The following TENM2 variants were observed in gnomAD, a reference collection of about 807,000 sequenced individuals.
TENM2 encodes teneurin-2.
TENM2 carries 52 observed loss-of-function variants against 245.2 expected under a neutral mutation model. That is an observed-to-expected ratio of 0.21 (90% CI 0.17 to 0.27). The LOEUF is 0.27. Among genes scored for constraint, TENM2 ranks in the 10% least tolerant of loss-of-function variants. The pLI, the probability that TENM2 is intolerant of heterozygous loss-of-function variation, is 1.00. For synonymous variants in TENM2, 1,363 were observed against 1,438.9 expected (o/e 0.95, Z 1.19); for missense variants, 3,046 against 3,666.8 (o/e 0.83, Z 4.37).
chr5:167,018,620 A>G, the TENM2 span, among the ~76,000 whole-genome samples: 1 of 152,148 alleles, frequency 6.6e-6, no homozygotes, highest in Non-Finnish European at 1.5e-5. Flanking sequence ...TCAAAAGTAA[A>G]ATGTGAGGAC....
At chr5:168,099,025 T>A (rs1484184208) in intron 9 of TENM2, among the ~76,000 whole-genome samples, 2 of 152,138 alleles carry the variant, frequency 1.3e-5, no homozygotes, top group Non-Finnish European at 2.9e-5. Context: ...TTATCCTACC[T>A]CAGCCTCCCA....
intron 2 of TENM2, among the ~76,000 whole-genome samples, chr5:167,695,837 A>T (rs1463970330): frequency 1.3e-5 from 2 of 151,968 alleles, no homozygotes. Flanking sequence ...GATCGAGACC[A>T]TCCTGGCTAA....
chr5:167,952,873 G>A (rs1262669710), intron 4 of TENM2, 51 bp downstream of exon 6: 9 of 1,462,528 alleles, frequency 6.2e-6, no homozygotes, highest in South Asian at 4.9e-5. Context: ...CCTTACCCCT[G>A]AGTCACCACA....
chr5:167,755,311 G>A (rs1481093432), intron 2 of TENM2: 1 of 685,234 alleles, frequency 1.5e-6, no homozygotes, highest in Non-Finnish European at 2.4e-6. Flanking sequence ...TGGGAGACTT[G>A]ACGGTGAAAC....
Position 167,389,135 on chromosome 5 carries a change from C to T in TENM2, c.502+13662C>T, listed in dbSNP as rs186608730. Among the ~76,000 whole-genome samples, 25 of 151,312 alleles carry T rather than the reference C, an allele frequency of 1.7e-4. No homozygotes were observed. The Middle Eastern group carries it at 0.014, about 83-fold the overall frequency. Reference sequence around the variant, plus strand: ...TTTTATTGTTAAATCTTTATGCTGCCCAAAGTAAGATATCTATATGTTTTA... The same window carrying T: ...TTTTATTGTTAAATCTTTATGCTGCTCAAAGTAAGATATCTATATGTTTTA... On this transcript the variant is annotated intron_variant, in intron 2 of 28. Coordinates refer to ENST00000518659, the Ensembl canonical transcript of TENM2.
chr5:167,074,083 G>A, the TENM2 span, among the ~76,000 whole-genome samples: 2 of 152,118 alleles, frequency 1.3e-5, no homozygotes, highest in Admixed American at 1.3e-4. Context: ...AACAACTAAA[G>A]GGTTCTATAA....
chr5:168,118,240 C>T, intron 9 of TENM2, 52 bp from the exon 12 acceptor site: 14 of 1,411,600 alleles, frequency 9.9e-6, no homozygotes, highest in Non-Finnish European at 1.3e-5. Context: ...CTGCCATAGC[C>T]CCTCGGATGC....
chr5:168,215,569 T>G (rs1176475442), intron 21 of TENM2, among the ~76,000 whole-genome samples: 1 of 152,174 alleles, frequency 6.6e-6, no homozygotes, highest in Non-Finnish European at 1.5e-5. Context: ...CTCAGGAGGC[T>G]GAGGCAGGAG....
At chr5:167,933,429 C>G (rs1778440397) in intron 3 of TENM2, among the ~76,000 whole-genome samples, 1 of 152,158 alleles carries the variant, frequency 6.6e-6, no homozygotes, top group African/African-American at 2.4e-5. Context: ...AGGAAATACA[C>G]AGCTATATGA....
chr5:167,175,590 C>T, the TENM2 span, among the ~76,000 whole-genome samples: 1 of 152,126 alleles, frequency 6.6e-6, no homozygotes, highest in Non-Finnish European at 1.5e-5. Flanking sequence ...TCAATGTTTC[C>T]CCTCTCTGCC....
chr5:167,755,545 T>C (rs1426506186), intron 2 of TENM2, among the ~76,000 whole-genome samples: 1 of 152,168 alleles, frequency 6.6e-6, no homozygotes, highest in African/African-American at 2.4e-5. Flanking sequence ...CCTGTGTCTA[T>C]TGCTGAAATA....
chr5:167,635,223 TG>T (rs993782111), intron 2 of TENM2, among the ~76,000 whole-genome samples: 13 of 152,324 alleles, frequency 8.5e-5, no homozygotes, highest in South Asian at 4.1e-4. Context: ...AATGTGGGTT[TG>T]TGCCTTTACA....
At chr5:168,207,090 A>G (rs948787494) in intron 19 of TENM2, among the ~76,000 whole-genome samples, 3 of 152,094 alleles carry the variant, frequency 2.0e-5, no homozygotes, top group Non-Finnish European at 4.4e-5. Flanking sequence ...CTGAGTCACT[A>G]CACCCTCTGA....
intron 25 of TENM2, among the ~76,000 whole-genome samples, chr5:168,230,230 T>TTGTC (rs1249000355): frequency 2.0e-5 from 3 of 152,212 alleles, no homozygotes; most frequent in Non-Finnish European, 4.4e-5. Context: ...CAACATTTAA[T>TTGTC]TGTCTGGTGT....
chr5:168,238,229 G>GAAAAGAAAAGAAAAGAA (rs1765730192), intron 25 of TENM2, among the ~76,000 whole-genome samples: 1 of 81,114 alleles, frequency 1.2e-5, no homozygotes, highest in African/African-American at 5.1e-5. Flanking sequence ...GAGAAGAAAA[G>GAAAAGAAAAGAAAAGAA]AAAAGAAAAG....
At chr5:167,158,774 A>C in the TENM2 span, among the ~76,000 whole-genome samples, 2 of 151,902 alleles carry the variant, frequency 1.3e-5, no homozygotes, top group Non-Finnish European at 2.9e-5. Context: ...CCCATTTCCA[A>C]GTACCATCCA....
chr5:167,091,742 T>C, the TENM2 span, among the ~76,000 whole-genome samples: 2 of 152,218 alleles, frequency 1.3e-5, no homozygotes, highest in Admixed American at 6.5e-5. Context: ...ACTGTTAAGG[T>C]GACAAACTGT....
intron 2 of TENM2, among the ~76,000 whole-genome samples, chr5:167,874,976 C>G (rs116767618): frequency 1.3e-5 from 2 of 152,164 alleles, no homozygotes; most frequent in African/African-American, 2.4e-5. Context: ...AATGCATCAC[C>G]CTTTCCATCA....
At chr5:167,840,328 G>A (rs1769389348) in intron 2 of TENM2, among the ~76,000 whole-genome samples, 1 of 152,178 alleles carries the variant, frequency 6.6e-6, no homozygotes, top group Non-Finnish European at 1.5e-5. Flanking sequence ...CAACTCTACA[G>A]TGTGACACAT....
Sources: allele counts gnomAD v4.1 joint callset (sites outside exome capture counted in the v4.1 genomes callset), GRCh38; gene constraint gnomAD v4.1.1; transcripts MANE v1.5; gene names NCBI Gene and HGNC (gene_info 2026-07-23, HGNC 2026-07-21).